PCDHGA6: variants seen among roughly 807,000 people sequenced by gnomAD.
PCDHGA6 encodes protocadherin gamma-A6.
PCDHGA6 carries 41 observed loss-of-function variants against 60.6 expected under a neutral mutation model. That is an observed-to-expected ratio of 0.68 (90% confidence interval 0.53 to 0.88). PCDHGA6 has a LOEUF of 0.88. Among genes scored for constraint, PCDHGA6 ranks in the 40% least tolerant of loss-of-function variants. The pLI is 0.00. For missense variants in PCDHGA6, 1,312 were observed against 1,203.0 expected (o/e 1.09, Z -1.34); for synonymous variants, 594 against 524.4 (o/e 1.13, Z -1.81).
In PCDHGA6 at chr5:141,511,352, C is replaced by A. The variant is rs2099883742; in HGVS notation, c.*179C>A. The A allele has an allele frequency of 3.6e-6, 5 of 1,381,248 alleles. No homozygotes were observed. The highest frequency in any genetic ancestry group is 2.7e-4 in the Middle Eastern group (1 of 3,772). 85.6% of individuals were successfully genotyped at this position (1,381,248 alleles called of 1,614,324 possible). ...CAGTCAGCACCTACCCCTTCCCCCCCAGGGGGTTGAATATGCAAAAGCAGT... is the reference window on the plus strand; with the variant it reads ...CAGTCAGCACCTACCCCTTCCCCCCAAGGGGGTTGAATATGCAAAAGCAGT... On this transcript the variant is annotated 3_prime_UTR_variant, in exon 4 of 4. Coordinates refer to ENST00000517434, the MANE Select transcript of PCDHGA6 (RefSeq NM_018919.3).
chr5:141,446,469 T>C (rs538381725), intron 1 of PCDHGA6, among the ~76,000 whole-genome samples: 2 of 149,740 alleles, frequency 1.3e-5, no homozygotes, highest in South Asian at 4.2e-4. Flanking sequence ...TGATTAGACA[T>C]ATGGTCATCA....
At chr5:141,415,573 G>A (rs375863243) in intron 1 of PCDHGA6, 68 of 1,613,906 alleles carry the variant, frequency 4.2e-5, no homozygotes, top group Non-Finnish European at 1.2e-5. Flanking sequence ...TTTGTTAGAT[G>A]ATTCGAAGTT....
chr5:141,374,738 G>C lies in PCDHGA6; in HGVS notation c.655G>C (p.Asp219His), dbSNP rs1454843423. The stretch of plus-strand genomic sequence containing the variant: ...GGTCCTTACTGCCATGGATGGCGGC[G>C]ACCCTGTCCGCTCAAGCGTCGCCCA... Reference protein sequence around the residue: ...RLVLTAMDGGDPVRSSVAQIL... With the variant: ...RLVLTAMDGGHPVRSSVAQIL... The change falls in exon 1 of 4, where the codon GAC (aspartate) becomes CAC (histidine). Residue 219 changes from aspartate (D) to histidine (H), a missense_variant. Physicochemically the swap from Asp to His is moderately conservative, Grantham distance 81. Coordinates refer to ENST00000517434, the MANE Select transcript of PCDHGA6 (RefSeq NM_018919.3). The C allele has an allele frequency of 4.3e-6, 7 of 1,611,282 alleles. No individual in the cohort carries two copies. Among genetic ancestry groups the C allele is most frequent in the East Asian group, 2.2e-5 (1 of 44,806 alleles).
intron 1 of PCDHGA6, chr5:141,390,885 TGTGA>T (rs2092262333): frequency 6.5e-6 from 1 of 152,688 alleles, no homozygotes; most frequent in African/African-American, 2.4e-5. Flanking sequence ...TGTGTGTGTG[TGTGA>T]GAGAGATCCT....
intron 1 of PCDHGA6, among the ~76,000 whole-genome samples, chr5:141,481,194 T>C (rs74538051): frequency 0.017 from 2,576 of 152,298 alleles, 78 homozygotes; most frequent in African/African-American, 0.059. Context: ...CCAGGCCCAA[T>C]TTTTTTAAAA....
chr5:141,478,040 C>G (rs773058963), intron 1 of PCDHGA6: 1 of 1,614,160 alleles, frequency 6.2e-7, no homozygotes, highest in Non-Finnish European at 8.5e-7. Context: ...TTCACCCAGG[C>G]AGACTCTCAC....
rs150714552 is a variant in PCDHGA6, at chr5:141,473,285, G to A, written c.2425-21522G>A. On this transcript the variant is annotated intron_variant, in intron 1 of 3. Transcript: ENST00000517434. ...GTGTATGCTATGATTATTTTACTATGTCAGTAGCATAAAGATTGCTATATT... is the reference window on the plus strand; with the variant it reads ...GTGTATGCTATGATTATTTTACTATATCAGTAGCATAAAGATTGCTATATT... 3.9e-3 allele frequency among the ~76,000 whole-genome samples: 590 copies of A among 152,296 alleles called. 6 individuals are homozygous for A. Among genetic ancestry groups the A allele is most frequent in the Admixed American group, 0.011 (170 of 15,296 alleles).
intron 1 of PCDHGA6, chr5:141,394,844 T>C (rs2093111751): frequency 6.2e-7 from 1 of 1,613,752 alleles, no homozygotes. Context: ...AGTTGGGCAG[T>C]CTGAAGCCTT....
chr5:141,461,921 T>G (rs2099026403), intron 1 of PCDHGA6, among the ~76,000 whole-genome samples: 1 of 152,222 alleles, frequency 6.6e-6, no homozygotes, highest in Non-Finnish European at 1.5e-5. Flanking sequence ...CCTCCTGGGT[T>G]CCAGCAATTC....
In PCDHGA6 at chr5:141,418,905, T is replaced by C. The variant is rs144920415; in HGVS notation, c.2424+42398T>C. The C allele has an allele frequency of 5.0e-6, 8 of 1,613,944 alleles. No homozygotes were observed. The East Asian group carries it at 1.8e-4, about 36-fold the overall frequency. ...AACGACAACAGCCCAGAAATAATCA[T>C]CACGTCACTCTCTGATCAGATTATG... On this transcript the variant is annotated intron_variant, in intron 1 of 3. Coordinates refer to ENST00000517434, the MANE Select transcript of PCDHGA6 (RefSeq NM_018919.3).
At chr5:141,450,887 C>T (rs531604055) in intron 1 of PCDHGA6, among the ~76,000 whole-genome samples, 18 of 148,682 alleles carry the variant, frequency 1.2e-4, no homozygotes, top group East Asian at 1.2e-3. Flanking sequence ...TGCAGTGGTG[C>T]GATATCGGCT....
chr5:141,388,848 G>A (rs766706887), intron 1 of PCDHGA6: 6 of 1,613,942 alleles, frequency 3.7e-6, no homozygotes, highest in South Asian at 3.3e-5. Flanking sequence ...AGCAAGGGAC[G>A]GTGGAGGAAT....
intron 3 of PCDHGA6, among the ~76,000 whole-genome samples, chr5:141,505,720 G>A (rs1251781594): frequency 2.2e-4 from 34 of 152,212 alleles, no homozygotes; most frequent in Non-Finnish European, 2.9e-5. Context: ...GACTCATGGA[G>A]GGAATAGTGG....
At chr5:141,391,305 T>G (rs2092341171) in intron 1 of PCDHGA6, 1 of 151,546 alleles carries the variant, frequency 6.6e-6, no homozygotes, top group Non-Finnish European at 1.5e-5. Context: ...GTCTTTCGAT[T>G]CTTTTTTTTT....
chr5:141,405,553 T>G, intron 1 of PCDHGA6: 1 of 619,004 alleles, frequency 1.6e-6, no homozygotes, highest in Non-Finnish European at 2.8e-6. Flanking sequence ...CCAAGTAGAG[T>G]AGCTGGGACT....
intron 1 of PCDHGA6, chr5:141,419,581 C>T: frequency 6.2e-7 from 1 of 1,611,888 alleles, no homozygotes; most frequent in South Asian, 1.1e-5. Context: ...GCTCCGCGCT[C>T]TTCGACACAG....
intron 1 of PCDHGA6, chr5:141,475,916 G>C (rs1396506642): frequency 1.7e-6 from 1 of 595,408 alleles, no homozygotes; most frequent in Non-Finnish European, 2.9e-6. Flanking sequence ...CAATGAAGAC[G>C]CTGGAGATCG....
intron 1 of PCDHGA6, 58 bp from the exon 2 acceptor site, chr5:141,494,749 G>A (rs573811540): frequency 2.9e-5 from 47 of 1,612,698 alleles, no homozygotes; most frequent in Non-Finnish European, 3.6e-5. Flanking sequence ...CTAGGGGCTC[G>A]GGTGACATTC....
intron 1 of PCDHGA6, among the ~76,000 whole-genome samples, chr5:141,387,032 T>C (rs993852019): frequency 6.6e-6 from 1 of 152,202 alleles, no homozygotes; most frequent in Admixed American, 6.5e-5. Context: ...TTGTATTTCA[T>C]AACCAGTAAA....
Sources: gnomAD v4.1 joint callset for allele counts (sites outside exome capture counted in the v4.1 genomes callset) on GRCh38, gnomAD v4.1.1 for gene constraint, MANE v1.5 for transcripts, NCBI Gene and HGNC (gene_info 2026-07-23, HGNC 2026-07-21) for gene names.